Variants in PITPNC1 observed in about 807,000 individuals in gnomAD.
PITPNC1 encodes the protein cytoplasmic phosphatidylinositol transfer protein 1.
In PITPNC1, 18 loss-of-function variants were observed where a neutral mutation model predicts 44.7. That is an observed-to-expected ratio of 0.40 (90% CI 0.28 to 0.60). PITPNC1 has a LOEUF of 0.60. PITPNC1 is among the 20% of genes least tolerant of loss of function. PITPNC1 has a pLI of 0.39. For synonymous variants in PITPNC1, 141 were observed against 149.6 expected (o/e 0.94, Z 0.42); for missense variants, 290 against 418.4 (o/e 0.69, Z 2.68).
intron 6 of PITPNC1, among the ~76,000 whole-genome samples, chr17:67,643,582 T>C (rs2042114099): frequency 6.6e-6 from 1 of 152,224 alleles, no homozygotes; most frequent in African/African-American, 2.4e-5. Context: ...TTGTGTGCTC[T>C]GTGTCTAGAT....
chr17:67,540,565 T>C (rs1201288818), intron 2 of PITPNC1, among the ~76,000 whole-genome samples: 1 of 152,244 alleles, frequency 6.6e-6, no homozygotes, highest in East Asian at 1.9e-4. Flanking sequence ...GGGTGGCAGA[T>C]ACATGCATGT....
intron 2 of PITPNC1, among the ~76,000 whole-genome samples, chr17:67,538,544 G>A (rs914271500): frequency 6.6e-6 from 1 of 152,166 alleles, no homozygotes; most frequent in Admixed American, 6.5e-5. Flanking sequence ...AGGTTGCAAT[G>A]AGCCAAGATC....
At chr17:67,439,191 T>C (rs2038977261) in intron 1 of PITPNC1, among the ~76,000 whole-genome samples, 2 of 152,350 alleles carry the variant, frequency 1.3e-5, no homozygotes, top group Admixed American at 1.3e-4. Context: ...TCAATTTCTA[T>C]GTAACCATTT....
chr17:67,625,231 A>C (rs1203427733), intron 5 of PITPNC1, among the ~76,000 whole-genome samples: 2 of 152,126 alleles, frequency 1.3e-5, no homozygotes, highest in South Asian at 2.1e-4. Context: ...GATATAGGAA[A>C]AGTGCCTCCG....
At chr17:67,379,107 A>AT in intron 1 of PITPNC1, 1 of 985,948 alleles carries the variant, frequency 1.0e-6, no homozygotes, top group South Asian at 4.7e-5. Context: ...CTTTGTGGTG[A>AT]TTCCACGACT....
chr17:67,405,238 C>T (rs937043156), intron 1 of PITPNC1, among the ~76,000 whole-genome samples: 3 of 151,258 alleles, frequency 2.0e-5, no homozygotes, highest in Non-Finnish European at 2.9e-5. Context: ...CAGAGTAAGA[C>T]TCCGTTTAAA....
intron 1 of PITPNC1, among the ~76,000 whole-genome samples, chr17:67,523,747 TC>T (rs767320084): frequency 1.0e-4 from 15 of 148,882 alleles, no homozygotes; most frequent in Non-Finnish European, 2.1e-4. Flanking sequence ...GGAGGGCCTC[TC>T]CAAATGCAAC....
intron 6 of PITPNC1, among the ~76,000 whole-genome samples, chr17:67,648,799 C>A (rs911363600): frequency 6.6e-6 from 1 of 152,082 alleles, no homozygotes; most frequent in Admixed American, 6.6e-5. Flanking sequence ...TTGCCTCACC[C>A]CAATCCCATG....
At chr17:67,490,954 G>A (rs2039856876) in intron 1 of PITPNC1, among the ~76,000 whole-genome samples, 1 of 152,204 alleles carries the variant, frequency 6.6e-6, no homozygotes, top group African/African-American at 2.4e-5. Flanking sequence ...AATGGCTGAG[G>A]TTTTGTTTTG....
chr17:67,610,137 A>G (rs558072216), intron 5 of PITPNC1, among the ~76,000 whole-genome samples: 1 of 152,278 alleles, frequency 6.6e-6, no homozygotes, highest in South Asian at 2.1e-4. Context: ...TCAGGTCAGG[A>G]TACGAGAGTG....
chr17:67,378,650 C>G (rs1827668793), intron 1 of PITPNC1, among the ~76,000 whole-genome samples: 1 of 152,170 alleles, frequency 6.6e-6, no homozygotes. Flanking sequence ...CCCTCGGGAT[C>G]TGCACGCCCC....
intron 4 of PITPNC1, among the ~76,000 whole-genome samples, chr17:67,564,150 A>G (rs2040942881): frequency 7.3e-6 from 1 of 137,660 alleles, no homozygotes; most frequent in Non-Finnish European, 1.6e-5. Context: ...TAGATTAGAT[A>G]GGTAGATTGG....
At chr17:67,691,567 A>G (rs1367943003) in intron 8 of PITPNC1, among the ~76,000 whole-genome samples, 2 of 152,182 alleles carry the variant, frequency 1.3e-5, no homozygotes, top group African/African-American at 2.4e-5. Context: ...GGTGTGGTGA[A>G]ATTGTTGATT....
Position 67,425,197 on chromosome 17 carries a change from G to GCACA in PITPNC1, c.48+46997_48+47000dup, listed in dbSNP as rs60303181. On this transcript the variant is annotated intron_variant, in intron 1 of 8. Coordinates refer to ENST00000581322, the MANE Select transcript of PITPNC1 (RefSeq NM_012417.4). ...AAACAGCCATGTTGTGCGCGCGCAC[G>GCACA]CACACGCACACACACACACACACAC... 2.6e-4 allele frequency among the ~76,000 whole-genome samples: 26 copies of GCACA among 98,462 alleles called. 2 individuals are homozygous for GCACA. The South Asian group carries it at 2.9e-3, about 11-fold the overall frequency. The allele number at this position is 98,462 out of a possible 152,430, so 64.6% of individuals were successfully genotyped here. A position where few individuals can be genotyped will look rare whatever the true frequency, so the allele number is the denominator to read the frequency against.
At chr17:67,391,060 C>CGTGTGTGTGTGTGTGT (rs80236076) in intron 1 of PITPNC1, among the ~76,000 whole-genome samples, 2,341 of 146,864 alleles carry the variant, frequency 0.016, 42 homozygotes, top group African/African-American at 0.04. Context: ...ACTTTTTTAG[C>CGTGTGTGTGTGTGTGT]GTGTGTGTGT....
intron 1 of PITPNC1, among the ~76,000 whole-genome samples, chr17:67,509,567 T>A (rs1045873463): frequency 2.5e-4 from 35 of 138,310 alleles, no homozygotes; most frequent in African/African-American, 8.6e-4. Flanking sequence ...TAAAAATAAA[T>A]AAATAAATAA....
intron 1 of PITPNC1, among the ~76,000 whole-genome samples, chr17:67,482,212 T>G (rs1004108336): frequency 6.6e-6 from 1 of 152,206 alleles, no homozygotes; most frequent in African/African-American, 2.4e-5. Context: ...AGCTACAACT[T>G]AAAGGAAACT....
intron 4 of PITPNC1, among the ~76,000 whole-genome samples, chr17:67,576,596 A>C (rs2041153109): frequency 6.6e-6 from 1 of 151,786 alleles, no homozygotes; most frequent in Non-Finnish European, 1.5e-5. Context: ...TCTGGTGGCC[A>C]AGAAAGTTAA....
chr17:67,501,774 A>G (rs999177417), intron 1 of PITPNC1, among the ~76,000 whole-genome samples: 1 of 152,134 alleles, frequency 6.6e-6, no homozygotes, highest in East Asian at 1.9e-4. Context: ...TGGAGGTTGC[A>G]GTGAGCCAAG....
Sources: gnomAD v4.1 joint callset for allele counts (sites outside exome capture counted in the v4.1 genomes callset) on GRCh38, gnomAD v4.1.1 for gene constraint, MANE v1.5 for transcripts, NCBI Gene and HGNC (gene_info 2026-07-23, HGNC 2026-07-21) for gene names.